Variants in SENP7 observed in about 807,000 individuals in gnomAD.
SENP7 encodes SUMO specific peptidase 7, also known as sentrin-specific protease 7.
In SENP7, 64 loss-of-function variants were observed where a neutral mutation model predicts 141.2. The ratio of observed to expected loss-of-function variants is 0.45; its 90% CI spans 0.37 to 0.56. SENP7 has a LOEUF of 0.56. Ranked by LOEUF, SENP7 falls within the 20% of genes least tolerant of loss-of-function variation. SENP7 has a pLI of 0.00. For synonymous variants in SENP7, 382 were observed against 426.4 expected, an observed-to-expected ratio of 0.90 and a Z score of 1.28; for missense variants, 1,025 against 1,212.2, an observed-to-expected ratio of 0.85 and a Z score of 2.29.
intron 4 of SENP7, among the ~76,000 whole-genome samples, chr3:101,419,393 A>G (rs747967258): frequency 8.5e-5 from 13 of 152,210 alleles, no homozygotes; most frequent in Non-Finnish European, 1.6e-4. Flanking sequence ...ACACTTTTAA[A>G]AGATCATTTT....
intron 6 of SENP7, among the ~76,000 whole-genome samples, chr3:101,386,500 A>G (rs1270750894): frequency 6.6e-6 from 1 of 152,208 alleles, no homozygotes; most frequent in Non-Finnish European, 1.5e-5. Context: ...TTGAGAGCCT[A>G]GTTACCAACA....
chr3:101,373,047 T>C (rs999173539), intron 6 of SENP7, among the ~76,000 whole-genome samples: 14 of 152,034 alleles, frequency 9.2e-5, no homozygotes, highest in Non-Finnish European at 1.0e-4. Context: ...TTCCTTGTTT[T>C]GAGAGAATTA....
intron 19 of SENP7, among the ~76,000 whole-genome samples, chr3:101,331,775 T>C (rs2059061143): frequency 1.3e-5 from 2 of 152,162 alleles, no homozygotes; most frequent in South Asian, 4.1e-4. Flanking sequence ...TAAGTAGTAA[T>C]TTTAAGTGCC....
At chr3:101,499,383 G>A (rs982291875) in intron 2 of SENP7, among the ~76,000 whole-genome samples, 2 of 152,004 alleles carry the variant, frequency 1.3e-5, no homozygotes, top group Non-Finnish European at 2.9e-5. Flanking sequence ...TTAGGGGGCA[G>A]CGGGGGACAG....
chr3:101,358,389 T>C (rs2059801352), intron 11 of SENP7: 1 of 488,920 alleles, frequency 2.0e-6, no homozygotes, highest in Non-Finnish European at 3.9e-6. Flanking sequence ...CAACCCTTAA[T>C]AAGCATAAGA....
Position 101,501,139 on chromosome 3 carries a change from G to A in SENP7, c.41-20C>T. ...TGATTTCTACAAAAACCAAAGACGTGGTAAAAATTATCGTTTAACATCTAA... is the reference window on the plus strand; with the variant it reads ...TGATTTCTACAAAAACCAAAGACGTAGTAAAAATTATCGTTTAACATCTAA... On this transcript the variant is annotated intron_variant, in intron 1 of 23. Coordinates refer to ENST00000394095, the MANE Select transcript of SENP7 (RefSeq NM_020654.5). 1.9e-6 allele frequency: 3 copies of A among 1,568,834 alleles called. No homozygotes were observed. The highest frequency in any genetic ancestry group is 2.3e-5 in the East Asian group (1 of 43,808).
chr3:101,417,477 T>C (rs569573356), intron 5 of SENP7, 116 bp downstream of exon 5: 18 of 785,072 alleles, frequency 2.3e-5, no homozygotes, highest in South Asian at 6.5e-5. Context: ...GAGTGTGGTA[T>C]GCCTATATAT....
At chr3:101,431,682 G>A (rs2062180552) in intron 4 of SENP7, among the ~76,000 whole-genome samples, 2 of 151,820 alleles carry the variant, frequency 1.3e-5, no homozygotes, top group Admixed American at 6.6e-5. Flanking sequence ...TACTCGGGAG[G>A]CTGAGGAAGG....
chr3:101,407,689 T>C (rs1490589890), intron 5 of SENP7, among the ~76,000 whole-genome samples: 1 of 152,154 alleles, frequency 6.6e-6, no homozygotes, highest in Admixed American at 6.5e-5. Context: ...TGGTGATCAC[T>C]GGGTCAAAAA....
At chr3:101,449,523 G>A (rs575033476) in intron 4 of SENP7, among the ~76,000 whole-genome samples, 40 of 152,300 alleles carry the variant, frequency 2.6e-4, no homozygotes, top group Non-Finnish European at 3.7e-4. Context: ...CTGATCTCTT[G>A]GCAGAAACTC....
At chr3:101,503,816 G>A (rs979243705) in intron 1 of SENP7, among the ~76,000 whole-genome samples, 4 of 151,842 alleles carry the variant, frequency 2.6e-5, no homozygotes, top group African/African-American at 9.7e-5. Flanking sequence ...GTGTGGTGGT[G>A]TGCACCTGCA....
chr3:101,459,090 T>C (rs1465130483), intron 3 of SENP7, 38 bp from the exon 4 acceptor site: 1 of 1,195,870 alleles, frequency 8.4e-7, no homozygotes, highest in South Asian at 1.4e-5. Context: ...AATAAACATA[T>C]CAATATGACA....
chr3:101,417,396 T>A (rs1270618763), intron 5 of SENP7, among the ~76,000 whole-genome samples, 197 bp downstream of exon 5: 1 of 152,192 alleles, frequency 6.6e-6, no homozygotes, highest in Non-Finnish European at 1.5e-5. Flanking sequence ...TCCATGTCAA[T>A]CTGCTTAATG....
chr3:101,328,506 C>T lies in SENP7; in HGVS notation c.2836G>A (p.Val946Ile). 1 of 1,612,558 alleles carries T rather than the reference C, an allele frequency of 6.2e-7. No homozygotes were observed. The highest frequency in any genetic ancestry group is 8.5e-7 in the Non-Finnish European group (1 of 1,179,122). The change falls in exon 22 of 24, where the codon GTA becomes ATA. Residue 946 changes from valine (V) to isoleucine (I), a missense_variant. Physicochemically the swap from Val to Ile is conservative, Grantham distance 29. Around this residue, in one of 4 missense-constraint regions of SENP7, gnomAD observed 295 missense variants for 459.1 expected, o/e 0.64. Coordinates refer to ENST00000394095, the MANE Select transcript of SENP7 (RefSeq NM_020654.5). The part of the protein sequence containing the change: ...LILDSLKAAS[V>I]QNTVQNLREY... ...CGTAAATTCTGAACTGTGTTTTGTA[C>T]AGAAGCAGCTTTCAAGGAGTCTAGT...
At chr3:101,479,047 T>C (rs906685225) in intron 3 of SENP7, among the ~76,000 whole-genome samples, 1 of 151,962 alleles carries the variant, frequency 6.6e-6, no homozygotes, top group Non-Finnish European at 1.5e-5. Context: ...AAAAAGAACA[T>C]ACCTCAGCAG....
intron 4 of SENP7, among the ~76,000 whole-genome samples, chr3:101,442,712 A>T (rs886938198): frequency 1.3e-5 from 2 of 152,240 alleles, no homozygotes; most frequent in Admixed American, 6.5e-5. Context: ...ATTAAAAAGA[A>T]CCAAACAAAA....
At chr3:101,405,090 G>T (rs1433546328) in intron 5 of SENP7, among the ~76,000 whole-genome samples, 1 of 152,098 alleles carries the variant, frequency 6.6e-6, no homozygotes, top group African/African-American at 2.4e-5. Flanking sequence ...GTGGAAGCTC[G>T]CATCGTGAAT....
chr3:101,437,149 T>C (rs2062421193), intron 4 of SENP7, among the ~76,000 whole-genome samples: 1 of 152,230 alleles, frequency 6.6e-6, no homozygotes, highest in Non-Finnish European at 1.5e-5. Flanking sequence ...TTCTCACTTA[T>C]TTGTGGGATC....
chr3:101,378,908 G>A (rs1352976975), intron 6 of SENP7, among the ~76,000 whole-genome samples: 2 of 151,978 alleles, frequency 1.3e-5, no homozygotes, highest in Non-Finnish European at 2.9e-5. Flanking sequence ...TCTTTTAAGT[G>A]TTCAGAGAAA....
Sources: gnomAD v4.1 joint callset for allele counts (sites outside exome capture counted in the v4.1 genomes callset) on GRCh38, gnomAD v4.1.1 for gene constraint, gnomAD v4.1.1 regional missense constraint, MANE v1.5 for transcripts, NCBI Gene and HGNC (gene_info 2026-07-23, HGNC 2026-07-21) for gene names.